The following EDRF1 variants were observed in gnomAD, a reference collection of about 807,000 sequenced individuals.
EDRF1 encodes the protein erythroid differentiation regulatory factor 1, also known as erythroid differentiation-related factor 1.
EDRF1 carries 69 observed loss-of-function variants against 148.7 expected under a neutral mutation model. That is an observed-to-expected ratio of 0.46 (90% confidence interval 0.38 to 0.57). The LOEUF is 0.57. Among genes scored for constraint, EDRF1 ranks in the 20% least tolerant of loss-of-function variants. The pLI, the probability that EDRF1 is intolerant of heterozygous loss-of-function variation, is 0.00. For missense variants in EDRF1, 1,118 were observed against 1,478.7 expected (o/e 0.76, Z 4.00); for synonymous variants, 515 against 532.8 (o/e 0.97, Z 0.46).
At chr10:125,723,610 A>G (rs1202714332) in intron 3 of EDRF1, among the ~76,000 whole-genome samples, 1 of 152,086 alleles carries the variant, frequency 6.6e-6, no homozygotes, top group Non-Finnish European at 1.5e-5. Flanking sequence ...ACATAATGTG[A>G]CTCATAAAGT....
At chr10:125,724,224 A>G (rs1242335384) in intron 4 of EDRF1, among the ~76,000 whole-genome samples, 5 of 152,346 alleles carry the variant, frequency 3.3e-5, no homozygotes, top group African/African-American at 1.2e-4. Context: ...TTAAGGGACT[A>G]GTTTAATATT....
intron 21 of EDRF1, 48 bp from the exon 22 acceptor site, chr10:125,749,364 G>A (rs745739606): frequency 6.2e-6 from 10 of 1,612,434 alleles, no homozygotes; most frequent in Middle Eastern, 3.3e-4. Flanking sequence ...AGTGAAGCCT[G>A]AAGTAGTTAC....
rs763175475 is a variant in EDRF1 at position 125,719,772 on chromosome 10, G to C, written c.-36G>C. 1.3e-6 allele frequency: 2 copies of C among 1,560,654 alleles called. No individual in the cohort carries two copies. The highest frequency in any genetic ancestry group is 3.6e-5 in the Admixed American group (2 of 56,112). On this transcript the variant is annotated 5_prime_UTR_variant, in exon 1 of 25. Transcript: ENST00000356792. ...CCTGCGTTGCTGCTGCTGCTCCTCC[G>C]CTCCCCCGTCGTATCGCCTGCCCTG...
chr10:125,726,019 T>C (rs1848243489), intron 6 of EDRF1, among the ~76,000 whole-genome samples, 181 bp downstream of exon 6: 2 of 152,110 alleles, frequency 1.3e-5, no homozygotes, highest in Admixed American at 6.5e-5. Flanking sequence ...TTTTTCGCAA[T>C]AGAATTTACA....
At chr10:125,750,699 A>G (rs951510745) in intron 22 of EDRF1, among the ~76,000 whole-genome samples, 19 of 152,302 alleles carry the variant, frequency 1.2e-4, no homozygotes, top group African/African-American at 4.6e-4. Context: ...ACCCATTTGG[A>G]CCTTGTAAAT....
At position 125,726,001 on chromosome 10, in the gene EDRF1, C is replaced by G. The variant is rs1028880286; in HGVS notation, c.792+163C>G. 10 of 855,176 alleles carry G rather than the reference C, an allele frequency of 1.2e-5. No individual in the cohort carries two copies. The African/African-American group carries it at 1.6e-4, about 13-fold the overall frequency. 53.0% of individuals were successfully genotyped at this position (855,176 alleles called of 1,614,324 possible). A position where few individuals can be genotyped will look rare whatever the true frequency, so the allele number is the denominator to read the frequency against. On this transcript the variant is annotated intron_variant, in intron 6 of 24. Transcript: ENST00000356792. ...GTCAATTTATGGAATTGGAGAAATA[C>G]TTTTTAGTTTTTCGCAATAGAATTT... is the stretch of plus-strand genomic sequence containing the variant.
In EDRF1 at chr10:125,733,763, A is replaced by G. The variant is rs373588967; in HGVS notation, c.1385+20A>G. 2.0e-5 allele frequency: 32 copies of G among 1,581,816 alleles called. No individual in the cohort carries two copies. Among genetic ancestry groups the G allele is most frequent in the Admixed American group, 1.7e-5 (1 of 59,910 alleles). ...GTACAAGTGAGTGCTTTAAGAATTT[A>G]AGATGAAGAAGTAGCCTATTATATA... On this transcript the variant is annotated intron_variant, in intron 11 of 24. Coordinates refer to ENST00000356792, the MANE Select transcript of EDRF1 (RefSeq NM_001202438.2).
intron 13 of EDRF1, among the ~76,000 whole-genome samples, chr10:125,737,519 T>A (rs370537585): frequency 6.6e-6 from 1 of 152,242 alleles, no homozygotes; most frequent in East Asian, 1.9e-4. Flanking sequence ...CAGAAGCCCC[T>A]ACACATAATA....
intron 19 of EDRF1, chr10:125,747,240 C>T: frequency 3.6e-6 from 1 of 276,492 alleles, no homozygotes; most frequent in Non-Finnish European, 6.8e-6. Context: ...AAAAAAAAAA[C>T]AAAGGAAACA....
chr10:125,723,262 T>TA (rs1848090536), intron 3 of EDRF1, 128 bp downstream of exon 3: 2 of 839,376 alleles, frequency 2.4e-6, no homozygotes, highest in Non-Finnish European at 4.2e-6. Context: ...AGATAAAACT[T>TA]ACCTGATTAT....
chr10:125,728,320 T>G (rs1411490069), intron 6 of EDRF1, among the ~76,000 whole-genome samples: 1 of 152,208 alleles, frequency 6.6e-6, no homozygotes, highest in Non-Finnish European at 1.5e-5. Flanking sequence ...TTACTTATTA[T>G]ATATTTATTG....
intron 18 of EDRF1, 90 bp downstream of exon 18, chr10:125,743,366 T>C: frequency 9.7e-7 from 1 of 1,035,886 alleles, no homozygotes; most frequent in Non-Finnish European, 1.5e-6. Context: ...CTGTGGCACT[T>C]GATTTTATAT....
chr10:125,735,789 A>G lies in EDRF1; in HGVS notation c.1643A>G (p.Asn548Ser), dbSNP rs749091895. 54 of 1,613,790 alleles carry G rather than the reference A, an allele frequency of 3.3e-5. No individual in the cohort carries two copies. Among genetic ancestry groups the G allele is most frequent in the Middle Eastern group, 1.6e-4 (1 of 6,082 alleles). ...GAAGAGATGCCCGACAGTGATGAAA[A>G]TGGATCCTATAGCACCAGCTCTGAT... is the stretch of plus-strand genomic sequence containing the variant. Reference protein sequence around the residue: ...EEEEMPDSDENGSYSTSSDPS... With the variant: ...EEEEMPDSDESGSYSTSSDPS... Residue 548 changes from asparagine to serine, a missense_variant, in exon 13 of 25, where the codon AAT (asparagine) becomes AGT (serine). Transcript: ENST00000356792.
At chr10:125,736,438 T>C (rs1848738034) in intron 13 of EDRF1, among the ~76,000 whole-genome samples, 10 of 152,156 alleles carry the variant, frequency 6.6e-5, no homozygotes. Context: ...GCACTGACTC[T>C]ACCATCAGTG....
At chr10:125,725,925 A>G (rs1475748950) in intron 6 of EDRF1, 87 bp downstream of exon 6, 9 of 1,377,260 alleles carry the variant, frequency 6.5e-6, no homozygotes, top group Non-Finnish European at 8.1e-6. Flanking sequence ...AAAGATGAAC[A>G]GGACTAAGAA....
chr10:125,763,333 C>T lies in EDRF1; in HGVS notation c.3578C>T (p.Thr1193Ile), dbSNP rs1850270991. ...NNIEDDTILK[T>I]NKHIYSQLLR... ...ATCGAAGATGACACAATTCTCAAAA[C>T]CAACAAGCACATTTACTCCCAGCTT... The change falls in exon 25 of 25, where the codon ACC becomes ATC. Residue 1193 changes from threonine (T) to isoleucine (I), a missense_variant. Physicochemically the swap from Thr to Ile is moderately conservative, Grantham distance 89 (BLOSUM62 -1). Around this residue, in one of 3 missense-constraint regions of EDRF1, gnomAD observed 954 missense variants for 1,241.4 expected, o/e 0.77. Coordinates refer to ENST00000356792, the MANE Select transcript of EDRF1 (RefSeq NM_001202438.2). The surrounding 1 kb of genome is among the most constrained non-coding windows in gnomAD (Gnocchi z 4.3). 2 of 1,613,360 alleles carry T rather than the reference C, an allele frequency of 1.2e-6. No homozygotes were observed. The highest frequency in any genetic ancestry group is 1.3e-5 in the African/African-American group (1 of 74,916).
At position 125,722,048 on chromosome 10, in the gene EDRF1, ACTAATACTTTATGAG is replaced by A. The variant is rs540549387; in HGVS notation, c.317+639_317+653del. 3.3e-3 allele frequency among the ~76,000 whole-genome samples: 503 copies of A among 152,366 alleles called. 5 individuals are homozygous for A. Among genetic ancestry groups the A allele is most frequent in the Non-Finnish European group, 2.4e-3 (166 of 68,036 alleles). On this transcript the variant is annotated intron_variant, in intron 2 of 24. Transcript: ENST00000356792. Reference sequence around the variant, plus strand: ...AACTTGTAGCAAGAGGCACAAATACACTAATACTTTATGAGCTGGTATTTTGGAAATTATCCTAAA... The same window carrying A: ...AACTTGTAGCAAGAGGCACAAATACACTGGTATTTTGGAAATTATCCTAAA...
chr10:125,736,552 T>C (rs1409629686), intron 13 of EDRF1, among the ~76,000 whole-genome samples: 1 of 152,176 alleles, frequency 6.6e-6, no homozygotes. Context: ...TACAGTCGTA[T>C]TTACAGATAA....
At chr10:125,758,593 C>T (rs550825220) in intron 24 of EDRF1, among the ~76,000 whole-genome samples, 2 of 152,252 alleles carry the variant, frequency 1.3e-5, no homozygotes, top group Admixed American at 1.3e-4. Context: ...GTACCACAGG[C>T]TTCAAGTTTT....
Sources: gnomAD v4.1 joint callset for allele counts (sites outside exome capture counted in the v4.1 genomes callset) on GRCh38, gnomAD v4.1.1 for gene constraint, gnomAD v4.1.1 regional missense constraint, Gnocchi (gnomAD v3.1) non-coding constraint, MANE v1.5 for transcripts, NCBI Gene and HGNC (gene_info 2026-07-23, HGNC 2026-07-21) for gene names.